Variants in DYNC1H1 observed in about 807,000 individuals in gnomAD.
The protein encoded by DYNC1H1 is cytoplasmic dynein 1 heavy chain 1.
In DYNC1H1, 51 loss-of-function variants were observed where a neutral mutation model predicts 527.1. That is an observed-to-expected ratio of 0.10 (90% confidence interval 0.08 to 0.12). The LOEUF (loss-of-function observed/expected upper bound fraction) is 0.12. Among genes scored for constraint, DYNC1H1 ranks in the 10% least tolerant of loss-of-function variants. The pLI is 1.00. For synonymous variants in DYNC1H1, 2,189 were observed against 2,278.8 expected (o/e 0.96, Z 1.12); for missense variants, 2,771 against 5,971.8 (o/e 0.46, Z 17.66).
chr14:101,966,016 C>T (rs1048409377), intron 1 of DYNC1H1, among the ~76,000 whole-genome samples: 3 of 152,082 alleles, frequency 2.0e-5, no homozygotes, highest in Non-Finnish European at 4.4e-5. Context: ...TTGGGTGTGG[C>T]GTGTCCATCT....
At chr14:101,981,687 T>C (rs2047866293) in intron 5 of DYNC1H1, among the ~76,000 whole-genome samples, 1 of 152,220 alleles carries the variant, frequency 6.6e-6, no homozygotes, top group Non-Finnish European at 1.5e-5. Flanking sequence ...TAGATCACAT[T>C]GCACACATTA....
intron 1 of DYNC1H1, among the ~76,000 whole-genome samples, chr14:101,969,007 CTTCT>C (rs1566992523): frequency 1.3e-5 from 2 of 151,788 alleles, no homozygotes; most frequent in Non-Finnish European, 2.9e-5. Context: ...TCTGCAAGAC[CTTCT>C]TTCTTTCTTT....
At chr14:101,966,468 A>C (rs1312747296) in intron 1 of DYNC1H1, among the ~76,000 whole-genome samples, 1 of 152,022 alleles carries the variant, frequency 6.6e-6, no homozygotes, top group Non-Finnish European at 1.5e-5. Flanking sequence ...GTCATTGTAG[A>C]AAATGTACTA....
At chr14:101,976,866 A>T (rs2141267545) in intron 2 of DYNC1H1, among the ~76,000 whole-genome samples, 1 of 152,360 alleles carries the variant, frequency 6.6e-6, no homozygotes, top group South Asian at 2.1e-4. Context: ...AAAGCAAGTA[A>T]AAAACAGCCA....
At chr14:101,968,245 G>A (rs1034779436) in intron 1 of DYNC1H1, among the ~76,000 whole-genome samples, 17 of 152,192 alleles carry the variant, frequency 1.1e-4, no homozygotes, top group South Asian at 6.2e-4. Context: ...GGATGAGAGC[G>A]TGTAGTTTGG....
chr14:102,043,800 T>G, intron 69 of DYNC1H1, 75 bp from the exon 70 acceptor site: 2 of 1,605,386 alleles, frequency 1.2e-6, no homozygotes, highest in East Asian at 4.5e-5. Context: ...AAGCTTTGAC[T>G]GACCTGGCAT....
Position 102,015,210 on chromosome 14 carries a change from A to T in DYNC1H1, c.7120A>T (p.Ile2374Phe), listed in dbSNP as rs1249357752. ...TGAGGATGTGCTGAGCACCGACATGATCTTCAACAACTTCCTGGCCAGGCT... is the reference window on the plus strand; with the variant it reads ...TGAGGATGTGCTGAGCACCGACATGTTCTTCAACAACTTCCTGGCCAGGCT... ...FSEDVLSTDM[I>F]FNNFLARLRS... Residue 2374 changes from isoleucine to phenylalanine, a missense_variant, in exon 35 of 78, where the codon ATC (isoleucine) becomes TTC (phenylalanine). Coordinates refer to ENST00000360184, the MANE Select transcript of DYNC1H1 (RefSeq NM_001376.5). The surrounding 1 kb of genome is among the most constrained non-coding windows in gnomAD (Gnocchi z 6.9). 1 of 1,614,080 alleles carries T rather than the reference A, an allele frequency of 6.2e-7. No individual in the cohort carries two copies. Among genetic ancestry groups the T allele is most frequent in the Non-Finnish European group, 8.5e-7 (1 of 1,180,046 alleles).
chr14:102,039,711 T>C lies in DYNC1H1; in HGVS notation c.11669T>C (p.Ile3890Thr). ...HITFAMLLAR[I>T]KLKGTVGEPT... Reference sequence around the variant, plus strand: ...ACCTTTGCCATGCTGCTGGCAAGAATCAAACTGAAGGGCACCGTGGGGTAA... The same window carrying C: ...ACCTTTGCCATGCTGCTGGCAAGAACCAAACTGAAGGGCACCGTGGGGTAA... The change falls in exon 62 of 78, where the codon ATC becomes ACC. Residue 3890 changes from isoleucine to threonine, a missense_variant. Physicochemically the swap from Ile to Thr is moderately conservative, Grantham distance 89. Coordinates refer to ENST00000360184, the MANE Select transcript of DYNC1H1 (RefSeq NM_001376.5). The surrounding 1 kb of genome is among the most constrained non-coding windows in gnomAD (Gnocchi z 7.0). The C allele has an allele frequency of 6.2e-7, 1 of 1,614,232 alleles. No individual in the cohort carries two copies.
chr14:101,981,753 C>T (rs1431423366), intron 5 of DYNC1H1, among the ~76,000 whole-genome samples: 2 of 152,116 alleles, frequency 1.3e-5, no homozygotes, highest in Non-Finnish European at 2.9e-5. Flanking sequence ...ACCTCTGAAA[C>T]TTTTGTTTTT....
intron 43 of DYNC1H1, 133 bp from the exon 44 acceptor site, chr14:102,026,441 G>T: frequency 1.0e-6 from 1 of 952,632 alleles, no homozygotes; most frequent in Admixed American, 2.7e-5. Flanking sequence ...ATATTTTTTT[G>T]CTATGTTATA....
At position 102,034,100 on chromosome 14, in the gene DYNC1H1, T is replaced by A; in HGVS notation, c.10538T>A (p.Phe3513Tyr). The A allele has an allele frequency of 6.2e-7, 1 of 1,614,184 alleles. No individual in the cohort carries two copies. The highest frequency in any genetic ancestry group is 8.5e-7 in the Non-Finnish European group (1 of 1,180,036). The part of the protein sequence containing the change: ...IAGDCLLSAA[F>Y]IAYAGYFDQQ... ...GGGGACTGTCTCTTGTCAGCTGCGT[T>A]CATTGCCTACGCGGGTTACTTTGAC... The change falls in exon 55 of 78, where the codon TTC (phenylalanine) becomes TAC (tyrosine). Residue 3513 changes from phenylalanine (F) to tyrosine (Y), a missense_variant. Phe to Tyr is a conservative substitution (Grantham distance 22). Transcript: ENST00000360184.
At chr14:101,972,346 A>G (rs1340939410) in intron 1 of DYNC1H1, among the ~76,000 whole-genome samples, 3 of 152,198 alleles carry the variant, frequency 2.0e-5, no homozygotes, top group Non-Finnish European at 2.9e-5. Flanking sequence ...CCGTGTCTTT[A>G]TAGGGAATAT....
intron 72 of DYNC1H1, among the ~76,000 whole-genome samples, chr14:102,047,490 T>C (rs930483573): frequency 6.6e-6 from 1 of 151,304 alleles, no homozygotes; most frequent in Non-Finnish European, 1.5e-5. Flanking sequence ...TGAGCCAAGG[T>C]CACGCCACTG....
intron 52 of DYNC1H1, chr14:102,032,676 A>G (rs2048522791): frequency 1.5e-6 from 1 of 654,598 alleles, no homozygotes; most frequent in South Asian, 1.8e-5. Context: ...ACATGGCGAC[A>G]CCCTGTCTCT....
chr14:101,975,699 T>C lies in DYNC1H1; in HGVS notation c.257-13T>C. The C allele has an allele frequency of 6.2e-7, 1 of 1,603,942 alleles. No homozygotes were observed. Among genetic ancestry groups the C allele is most frequent in the Non-Finnish European group, 8.5e-7 (1 of 1,170,988 alleles). On this transcript the variant is annotated splice_polypyrimidine_tract_variant and intron_variant, in intron 1 of 77. Transcript: ENST00000360184. ...TGTTGATATTAATTTGATATATTTA[T>C]TATGATTTGTAGAGGACGTCGGTGA...
Position 101,964,680 on chromosome 14 carries a change from G to A in DYNC1H1, c.-12G>A. 1 of 1,580,950 alleles carries A rather than the reference G, an allele frequency of 6.3e-7. No homozygotes were observed. ...CTTCTCATCGCTCCTGGAAGGTCCCGAGCGCGACACCATGTCGGAGCCCGG... is the reference window on the plus strand; with the variant it reads ...CTTCTCATCGCTCCTGGAAGGTCCCAAGCGCGACACCATGTCGGAGCCCGG... On this transcript the variant is annotated 5_prime_UTR_variant, in exon 1 of 78. Coordinates refer to ENST00000360184, the MANE Select transcript of DYNC1H1 (RefSeq NM_001376.5). This position sits in a 1 kb window ranked among gnomAD's most constrained non-coding sequence, Gnocchi z 5.5.
chr14:101,969,884 A>T (rs559235546), intron 1 of DYNC1H1, among the ~76,000 whole-genome samples: 1 of 152,372 alleles, frequency 6.6e-6, no homozygotes, highest in South Asian at 2.1e-4. Context: ...GATTGGGAGC[A>T]GCAAGAGAGA....
At chr14:102,013,534 G>A (rs2048284598) in intron 34 of DYNC1H1, among the ~76,000 whole-genome samples, 1 of 152,126 alleles carries the variant, frequency 6.6e-6, no homozygotes, top group Non-Finnish European at 1.5e-5. Context: ...CGGTGTACTT[G>A]AGGACAGCAA....
Position 102,015,433 on chromosome 14 carries a change from C to T in DYNC1H1, c.7242+101C>T. 1 of 1,337,766 alleles carries T rather than the reference C, an allele frequency of 7.5e-7. No homozygotes were observed. Among genetic ancestry groups the T allele is most frequent in the South Asian group, 1.4e-5 (1 of 70,270 alleles). 82.9% of individuals were successfully genotyped at this position (1,337,766 alleles called of 1,614,324 possible). ...CACGCTGGTCTTGAACTCCTGGGCC[C>T]AAGCAATCCACCTGCCTTGGCCTCT... On this transcript the variant is annotated intron_variant, in intron 35 of 77. Coordinates refer to ENST00000360184, the MANE Select transcript of DYNC1H1 (RefSeq NM_001376.5). The surrounding 1 kb of genome is among the most constrained non-coding windows in gnomAD (Gnocchi z 6.9).
Sources: allele counts gnomAD v4.1 joint callset (sites outside exome capture counted in the v4.1 genomes callset), GRCh38; gene constraint gnomAD v4.1.1; non-coding constraint Gnocchi (gnomAD v3.1); transcripts MANE v1.5; gene names NCBI Gene and HGNC (gene_info 2026-07-23, HGNC 2026-07-21).